The following EIF5A2 variants were observed in gnomAD, a reference collection of about 807,000 sequenced individuals.
EIF5A2 encodes eukaryotic translation initiation factor 5A-2.
Under a neutral mutation model 16.4 loss-of-function variants are expected in EIF5A2, and 15 were observed. The ratio of observed to expected loss-of-function variants is 0.92; its 90% CI spans 0.61 to 1.41. The LOEUF (loss-of-function observed/expected upper bound fraction) is 1.41, where lower values mean the gene tolerates loss of function less well. Among genes scored for constraint, EIF5A2 ranks in the 40% most tolerant of loss-of-function variants. The pLI is 0.00. For missense variants in EIF5A2, 144 were observed against 189.5 expected (o/e 0.76, Z 1.41); for synonymous variants, 48 against 61.1 (o/e 0.79, Z 1.00).
At chr3:170,896,750 T>C (rs1038508718) in intron 3 of EIF5A2, among the ~76,000 whole-genome samples, 1 of 152,188 alleles carries the variant, frequency 6.6e-6, no homozygotes. Context: ...GCCACTGCTA[T>C]AAAGATGCCT....
At position 170,892,156 on chromosome 3, in the gene EIF5A2, G is replaced by A. The variant is rs1377067086; in HGVS notation, c.*1204C>T. On this transcript the variant is annotated 3_prime_UTR_variant, in exon 5 of 5. Transcript: ENST00000295822. ...AATGGTTGGAAAGGGGCTGGGTGTGGTGGCTCATGCCTGTAATCCCAGCAC... is the reference window on the plus strand; with the variant it reads ...AATGGTTGGAAAGGGGCTGGGTGTGATGGCTCATGCCTGTAATCCCAGCAC... The A allele has an allele frequency of 6.6e-6, 1 of 152,546 alleles. No homozygotes were observed. The highest frequency in any genetic ancestry group is 1.5e-5 in the Non-Finnish European group (1 of 68,048). 9.4% of individuals were successfully genotyped at this position (152,546 alleles called of 1,614,324 possible). A position where few individuals can be genotyped will look rare whatever the true frequency, so the allele number is the denominator to read the frequency against.
rs1457452515 is a variant in EIF5A2, at chr3:170,907,064, C to T, written c.195G>A (p.Thr65=). Residue 65 remains threonine, a synonymous_variant, in exon 3 of 5, where the codon ACG becomes ACA. Coordinates refer to ENST00000295822, the MANE Select transcript of EIF5A2 (RefSeq NM_020390.6). The part of the protein sequence containing the change: ...KVHLVGIDIF[T]GKKYEDICPS... ...GACAAATATCTTCATATTTTTTGCC[C>T]GTGAAAATATCAATTCCAACAAGGT... The T allele has an allele frequency of 5.0e-6, 8 of 1,612,334 alleles. No homozygotes were observed. Among genetic ancestry groups the T allele is most frequent in the South Asian group, 1.1e-5 (1 of 90,740 alleles).
At chr3:170,899,207 T>A (rs554105000) in intron 3 of EIF5A2, among the ~76,000 whole-genome samples, 1 of 152,098 alleles carries the variant, frequency 6.6e-6, no homozygotes, top group African/African-American at 2.4e-5. Flanking sequence ...CCCTTTAACT[T>A]TCATGGTATC....
At chr3:170,906,243 AG>A (rs1712933912) in intron 3 of EIF5A2, among the ~76,000 whole-genome samples, 1 of 152,168 alleles carries the variant, frequency 6.6e-6, no homozygotes, top group South Asian at 2.1e-4. Flanking sequence ...TTTCAAGAAA[AG>A]CTTTAGTTAT....
intron 3 of EIF5A2, among the ~76,000 whole-genome samples, chr3:170,906,059 A>C (rs1317903802): frequency 6.6e-6 from 1 of 152,182 alleles, no homozygotes; most frequent in Non-Finnish European, 1.5e-5. Context: ...ATCATTGCGT[A>C]AGTGCAGTTG....
chr3:170,907,722 C>A lies in EIF5A2; in HGVS notation c.85G>T (p.Gly29Cys), dbSNP rs1712975981. 6.2e-7 allele frequency: 1 copy of A among 1,610,694 alleles called. No homozygotes were observed. Among genetic ancestry groups the A allele is most frequent in the Non-Finnish European group, 8.5e-7 (1 of 1,177,450 alleles). Residue 29 changes from glycine to cysteine, a missense_variant, in exon 2 of 5, where the codon GGC (glycine) becomes TGC (cysteine). Gly to Cys is a radical substitution (Grantham distance 159). Coordinates refer to ENST00000295822, the MANE Select transcript of EIF5A2 (RefSeq NM_020390.6). ...PMQCSALRKN[G>C]FVVLKGRPCK... ...GGTCGTCCTTTGAGCACCACGAAGC[C>A]GTTTTTGCGCAAGGCCGAGCACTGC...
Position 170,892,566 on chromosome 3 carries a change from G to A in EIF5A2, c.*794C>T. On this transcript the variant is annotated 3_prime_UTR_variant, in exon 5 of 5. Transcript: ENST00000295822. ...ACTCCCTTTAAACGTTGGGGGCAAA[G>A]TTAAAAGCAAAAACAACTGAGAAAC... 2.6e-6 allele frequency: 1 copy of A among 390,502 alleles called. No homozygotes were observed. The highest frequency in any genetic ancestry group is 4.5e-6 in the Non-Finnish European group (1 of 221,550). 24.2% of individuals were successfully genotyped at this position (390,502 alleles called of 1,614,324 possible).
At chr3:170,897,630 G>A (rs145573524) in intron 3 of EIF5A2, among the ~76,000 whole-genome samples, 30 of 152,314 alleles carry the variant, frequency 2.0e-4, no homozygotes, top group Non-Finnish European at 2.8e-4. Context: ...GGGAGCCTCC[G>A]CCTAGATTTC....
At position 170,894,422 on chromosome 3, in the gene EIF5A2, A is replaced by G. The variant is rs763704386; in HGVS notation, c.272T>C (p.Leu91Pro). 2.5e-6 allele frequency: 4 copies of G among 1,613,674 alleles called. No individual in the cohort carries two copies. The highest frequency in any genetic ancestry group is 1.7e-5 in the Admixed American group (1 of 60,012). The change falls in exon 4 of 5, where the codon CTG (leucine) becomes CCG (proline). Residue 91 changes from leucine to proline, a missense_variant and splice_region_variant. Coordinates refer to ENST00000295822, the MANE Select transcript of EIF5A2 (RefSeq NM_020390.6). ...AAGGTAACCATCTTGAATGCATATC[A>G]GCTATTAGAAGAAATTATATCATTT... ...VPNIKRNDYQ[L>P]ICIQDGYLSL...
intron 3 of EIF5A2, among the ~76,000 whole-genome samples, chr3:170,895,310 T>C (rs1712642105): frequency 6.6e-6 from 1 of 150,610 alleles, no homozygotes; most frequent in Non-Finnish European, 1.5e-5. Context: ...AACAACAAAA[T>C]CCACTAGTGT....
chr3:170,906,868 CTAA>C (rs1307672927), intron 3 of EIF5A2, 118 bp downstream of exon 3: 2 of 541,790 alleles, frequency 3.7e-6, no homozygotes, highest in Non-Finnish European at 3.1e-6. Context: ...TAGCTGGTGC[CTAA>C]TAATTGGTTA....
intron 3 of EIF5A2, among the ~76,000 whole-genome samples, chr3:170,905,229 T>C (rs1277831041): frequency 1.3e-5 from 2 of 152,244 alleles, no homozygotes; most frequent in African/African-American, 4.8e-5. Context: ...TGAGCTCCTA[T>C]ATGGCTTGTC....
Position 170,889,323 on chromosome 3 carries a change from C to T in EIF5A2, c.*4037G>A, listed in dbSNP as rs950327211. 3.9e-5 allele frequency: 6 copies of T among 152,290 alleles called. No homozygotes were observed. The highest frequency in any genetic ancestry group is 1.4e-4 in the African/African-American group (6 of 41,384). The allele number at this position is 152,290 out of a possible 1,614,324, so 9.4% of individuals were successfully genotyped here. A position where few individuals can be genotyped will look rare whatever the true frequency, so the allele number is the denominator to read the frequency against. On this transcript the variant is annotated 3_prime_UTR_variant, in exon 5 of 5. Coordinates refer to ENST00000295822, the MANE Select transcript of EIF5A2 (RefSeq NM_020390.6). ...TACATATTGGCTTCAAGCCATGTTCCCATAGAACATCTGTGTTTCATAAGC... is the reference window on the plus strand; with the variant it reads ...TACATATTGGCTTCAAGCCATGTTCTCATAGAACATCTGTGTTTCATAAGC...
chr3:170,907,108 C>T lies in EIF5A2; in HGVS notation c.166-15G>A. 1.3e-6 allele frequency: 2 copies of T among 1,570,868 alleles called. No individual in the cohort carries two copies. Among genetic ancestry groups the T allele is most frequent in the Non-Finnish European group, 1.7e-6 (2 of 1,143,952 alleles). ...ACAAGGTGAACCTAACAGAGGAGAA[C>T]AGGAAACCTGTTTAATCTCTGCCAA... On this transcript the variant is annotated splice_polypyrimidine_tract_variant and intron_variant, in intron 2 of 4. Coordinates refer to ENST00000295822, the MANE Select transcript of EIF5A2 (RefSeq NM_020390.6).
intron 3 of EIF5A2, among the ~76,000 whole-genome samples, chr3:170,896,609 T>C (rs966581741): frequency 6.6e-6 from 1 of 152,232 alleles, no homozygotes; most frequent in African/African-American, 2.4e-5. Context: ...CCGTGGTTCC[T>C]GAGGCCTCCA....
intron 3 of EIF5A2, among the ~76,000 whole-genome samples, chr3:170,898,883 AGAGT>A (rs1258028524): frequency 6.6e-6 from 1 of 151,870 alleles, no homozygotes; most frequent in Non-Finnish European, 1.5e-5. Flanking sequence ...AGAACTATTG[AGAGT>A]AAGTTCCAAA....
chr3:170,896,909 A>C (rs1712688211), intron 3 of EIF5A2, among the ~76,000 whole-genome samples: 3 of 152,256 alleles, frequency 2.0e-5, no homozygotes, highest in South Asian at 2.1e-4. Flanking sequence ...TGATATGGAC[A>C]GTGAAGTCCA....
chr3:170,903,412 C>G (rs1712859532), intron 3 of EIF5A2, among the ~76,000 whole-genome samples: 1 of 152,150 alleles, frequency 6.6e-6, no homozygotes, highest in African/African-American at 2.4e-5. Flanking sequence ...CTGAATGGTA[C>G]TTTGTTGGCC....
At chr3:170,908,248 G>A (rs1712992991) in intron 1 of EIF5A2, among the ~76,000 whole-genome samples, 1 of 152,174 alleles carries the variant, frequency 6.6e-6, no homozygotes, top group Non-Finnish European at 1.5e-5. Flanking sequence ...ACAGAACCTG[G>A]CCAGCAGCAC....
Sources: allele counts gnomAD v4.1 joint callset (sites outside exome capture counted in the v4.1 genomes callset), GRCh38; gene constraint gnomAD v4.1.1; transcripts MANE v1.5; gene names NCBI Gene and HGNC (gene_info 2026-07-23, HGNC 2026-07-21).